The following PGS1 variants were observed in gnomAD, a reference collection of about 807,000 sequenced individuals.
PGS1 encodes the protein phosphatidylglycerophosphate synthase 1.
PGS1 carries 44 observed loss-of-function variants against 58.3 expected under a neutral mutation model. The observed-to-expected ratio is 0.75, with a 90% CI of 0.59 to 0.97. The LOEUF is 0.97. Among genes scored for constraint, PGS1 ranks in the 50% least tolerant of loss-of-function variants. The probability of loss-of-function intolerance (pLI) is 0.00; values close to 1 mark genes in which losing one functional copy is unlikely to be tolerated. For missense variants in PGS1, 684 were observed against 731.1 expected, an observed-to-expected ratio of 0.94 and a Z score of 0.74; for synonymous variants, 330 against 311.0, an observed-to-expected ratio of 1.06 and a Z score of -0.64.
chr17:78,398,348 C>T lies in PGS1; in HGVS notation c.508C>T (p.Arg170Ter), dbSNP rs1372217624. Reference sequence around the variant, plus strand: ...TCTCTTAGACTTCACGCGGGGCTCACGAGGTAGGTGGCATGCAAGCCTGGC... The same window carrying T: ...TCTCTTAGACTTCACGCGGGGCTCATGAGGTAGGTGGCATGCAAGCCTGGC... ...SILLDFTRGS[R>*]GRKNSRTMLL... The change falls in exon 4 of 10, where the codon CGA (arginine) becomes TGA (stop). Residue 170 changes from arginine to a stop codon, truncating the protein, a stop_gained. Transcript: ENST00000262764. LOFTEE classifies it high-confidence loss of function. The T allele has an allele frequency of 4.3e-6, 7 of 1,610,722 alleles. No individual in the cohort carries two copies. The highest frequency in any genetic ancestry group is 1.1e-5 in the South Asian group (1 of 91,008).
intron 9 of PGS1, chr17:78,421,050 G>A (rs1205528030): frequency 6.6e-6 from 1 of 152,214 alleles, no homozygotes; most frequent in Non-Finnish European, 1.5e-5. Context: ...ACTACACCTT[G>A]TGATTGTTTT....
At chr17:78,414,819 G>A in intron 7 of PGS1, 60 bp from the exon 8 acceptor site, 1 of 1,587,778 alleles carries the variant, frequency 6.3e-7, no homozygotes, top group South Asian at 1.1e-5. Context: ...GCAGCGTGTG[G>A]AGAGGACTTT....
chr17:78,411,618 C>A (rs75792535), intron 7 of PGS1, among the ~76,000 whole-genome samples: 1,847 of 152,330 alleles, frequency 0.012, 30 homozygotes, highest in African/African-American at 0.042. Context: ...CTTCCTCCCT[C>A]CCCAGGCTAT....
Position 78,400,922 on chromosome 17 carries a change from A to G in PGS1, c.880+67A>G. The G allele has an allele frequency of 7.3e-7, 1 of 1,364,326 alleles. No homozygotes were observed. Among genetic ancestry groups the G allele is most frequent in the Non-Finnish European group, 9.9e-7 (1 of 1,007,812 alleles). The allele number at this position is 1,364,326 out of a possible 1,614,324, so 84.5% of individuals were successfully genotyped here. A position where few individuals can be genotyped will look rare whatever the true frequency, so the allele number is the denominator to read the frequency against. On this transcript the variant is annotated intron_variant, in intron 6 of 9. Transcript: ENST00000262764. This position sits in a 1 kb window ranked among gnomAD's most constrained non-coding sequence, Gnocchi z 4.4. ...GTGGAGTGAGGGCCCGGGAGAGCACAACTCTAGGTGGTTCTGCCACAGGCA... is the reference window on the plus strand; with the variant it reads ...GTGGAGTGAGGGCCCGGGAGAGCACGACTCTAGGTGGTTCTGCCACAGGCA...
intron 1 of PGS1, among the ~76,000 whole-genome samples, chr17:78,390,326 G>A (rs867437783): frequency 7.0e-4 from 57 of 81,710 alleles, no homozygotes; most frequent in African/African-American, 2.5e-3. Context: ...AGACGGGGGT[G>A]GGGGAGGAAC....
At chr17:78,422,275 C>T (rs1235955227) in intron 9 of PGS1, among the ~76,000 whole-genome samples, 2 of 152,084 alleles carry the variant, frequency 1.3e-5, no homozygotes, top group African/African-American at 4.8e-5. Flanking sequence ...CCCTTCTCTG[C>T]AGCCACAAAG....
intron 2 of PGS1, among the ~76,000 whole-genome samples, chr17:78,393,694 C>G (rs963481456): frequency 2.0e-5 from 3 of 152,122 alleles, no homozygotes; most frequent in Non-Finnish European, 2.9e-5. Context: ...TTTAGGGACT[C>G]TGTCTTAAGT....
intron 7 of PGS1, among the ~76,000 whole-genome samples, chr17:78,413,912 C>A (rs1325259310): frequency 6.6e-6 from 1 of 151,958 alleles, no homozygotes; most frequent in Non-Finnish European, 1.5e-5. Context: ...GTAGTGTGGC[C>A]CCCCCTGCCA....
chr17:78,399,554 G>A lies in PGS1; in HGVS notation c.701+17G>A, dbSNP rs765484732. Reference sequence around the variant, plus strand: ...CTTGAGCGGGTGAGTGCTTCCCACCGTCAGTGCTTTTGCCCTCCTGCTCTG... The same window carrying A: ...CTTGAGCGGGTGAGTGCTTCCCACCATCAGTGCTTTTGCCCTCCTGCTCTG... On this transcript the variant is annotated intron_variant, in intron 5 of 9. Coordinates refer to ENST00000262764, the MANE Select transcript of PGS1 (RefSeq NM_024419.5). 2.7e-5 allele frequency: 44 copies of A among 1,612,702 alleles called. No homozygotes were observed. The highest frequency in any genetic ancestry group is 1.6e-4 in the Middle Eastern group (1 of 6,082).
In PGS1 at chr17:78,385,199, A is replaced by G. The variant is rs371401470; in HGVS notation, c.143+6391A>G. 1.4e-3 allele frequency among the ~76,000 whole-genome samples: 216 copies of G among 152,106 alleles called. 2 individuals are homozygous for G. The highest frequency in any genetic ancestry group is 4.8e-3 in the African/African-American group (200 of 41,496). ...AGTGGCGCAATCTCGGCTCACTGCA[A>G]CCTCTGCCTCCTGGGTTCAAGCCAT... On this transcript the variant is annotated intron_variant, in intron 1 of 9. Transcript: ENST00000262764.
At chr17:78,423,953 C>T in intron 9 of PGS1, 108 bp from the exon 10 acceptor site, 1 of 1,613,976 alleles carries the variant, frequency 6.2e-7, no homozygotes, top group Non-Finnish European at 8.5e-7. Flanking sequence ...CACTTCGCTG[C>T]CTTCTCTTTG....
At chr17:78,402,710 A>T (rs146860906) in intron 6 of PGS1, among the ~76,000 whole-genome samples, 1 of 152,270 alleles carries the variant, frequency 6.6e-6, no homozygotes, top group East Asian at 1.9e-4. Context: ...TGCCTCCGTA[A>T]GTGCTGTGCT....
intron 8 of PGS1, among the ~76,000 whole-genome samples, chr17:78,416,923 C>G (rs958729474): frequency 3.9e-5 from 6 of 152,176 alleles, no homozygotes; most frequent in African/African-American, 1.4e-4. Context: ...CCCCAGCCAC[C>G]GTGGGCTCCC....
chr17:78,394,026 A>C (rs2083026280), intron 2 of PGS1, among the ~76,000 whole-genome samples: 1 of 151,872 alleles, frequency 6.6e-6, no homozygotes, highest in African/African-American at 2.4e-5. Flanking sequence ...TCTACCAAAA[A>C]TACGGAAGGG....
chr17:78,416,326 T>A (rs1051156233), intron 8 of PGS1, among the ~76,000 whole-genome samples: 3 of 152,240 alleles, frequency 2.0e-5, no homozygotes, highest in Admixed American at 2.0e-4. Flanking sequence ...GACCTGAGCC[T>A]GCAGCTTTCA....
At chr17:78,420,477 G>C (rs1367593252) in intron 9 of PGS1, 1 of 152,786 alleles carries the variant, frequency 6.5e-6, no homozygotes, top group African/African-American at 2.4e-5. Flanking sequence ...CCTGCTCTCT[G>C]GTTCTGGATG....
In PGS1 at chr17:78,419,685, C is replaced by G. The variant is rs367544709; in HGVS notation, c.*10+10C>G. On this transcript the variant is annotated intron_variant, in intron 9 of 9. Transcript: ENST00000262764. ...TTCTGAGGACAGACAGGTGCTGTCT[C>G]TAGCATCACCTCTCAGCACGATTTT... 1.0e-4 allele frequency: 163 copies of G among 1,613,064 alleles called. 1 individual carries two copies. In the South Asian group the frequency reaches 1.2e-3, roughly 12 times the overall value.
At chr17:78,383,970 C>CGGGT (rs1469340531) in intron 1 of PGS1, among the ~76,000 whole-genome samples, 1 of 152,110 alleles carries the variant, frequency 6.6e-6, no homozygotes, top group Non-Finnish European at 1.5e-5. Context: ...TTTATGTAAA[C>CGGGT]GGGTCGATTT....
chr17:78,420,355 C>T (rs1343867715), intron 9 of PGS1: 11 of 417,562 alleles, frequency 2.6e-5, no homozygotes, highest in Non-Finnish European at 2.9e-5. Flanking sequence ...GCCTAGAGGT[C>T]CGGGCAGGGG....
Sources: gnomAD v4.1 joint callset for allele counts (sites outside exome capture counted in the v4.1 genomes callset) on GRCh38, gnomAD v4.1.1 for gene constraint, Gnocchi (gnomAD v3.1) non-coding constraint, MANE v1.5 for transcripts, NCBI Gene and HGNC (gene_info 2026-07-23, HGNC 2026-07-21) for gene names.